Variants in C11orf65 observed in about 807,000 individuals in gnomAD.
C11orf65 encodes protein MFI.
Under a neutral mutation model 35.3 loss-of-function variants are expected in C11orf65, and 38 were observed. That is an observed-to-expected ratio of 1.08 (90% CI 0.83 to 1.41). The LOEUF is 1.41. Among genes scored for constraint, C11orf65 ranks in the 40% most tolerant of loss-of-function variants. The pLI, the probability that C11orf65 is intolerant of heterozygous loss-of-function variation, is 0.00. For missense variants in C11orf65, 370 were observed against 367.1 expected, an observed-to-expected ratio of 1.01 and a Z score of -0.06; for synonymous variants, 105 against 114.4, an observed-to-expected ratio of 0.92 and a Z score of 0.53.
At chr11:108,430,105 T>A (rs902414914) in intron 3 of C11orf65, among the ~76,000 whole-genome samples, 7 of 151,292 alleles carry the variant, frequency 4.6e-5, no homozygotes, top group Non-Finnish European at 8.8e-5. Context: ...TATAAATGTG[T>A]TTAGTACTAC....
chr11:108,444,213 A>C (rs1220994787), intron 2 of C11orf65, among the ~76,000 whole-genome samples: 2 of 152,150 alleles, frequency 1.3e-5, no homozygotes, highest in Non-Finnish European at 2.9e-5. Flanking sequence ...TAAACTAGAA[A>C]ATCTAGAAGA....
downstream of C11orf65, chr11:108,330,504 C>T: frequency 7.3e-7 from 1 of 1,366,700 alleles, no homozygotes; most frequent in Non-Finnish European, 1.0e-6. Context: ...TCGTGTATAC[C>T]TCTTTGTATT....
intron 2 of C11orf65, among the ~76,000 whole-genome samples, chr11:108,361,351 T>C (rs974749494): frequency 3.3e-5 from 5 of 149,990 alleles, no homozygotes; most frequent in Admixed American, 1.3e-4. Context: ...AGAATCAATA[T>C]TGTGAAAATG....
At chr11:108,461,663 T>C (rs1271515172) in intron 1 of C11orf65, 95 bp from the exon 2 acceptor site, 7 of 832,102 alleles carry the variant, frequency 8.4e-6, no homozygotes, top group East Asian at 3.0e-5. Flanking sequence ...ATTCTTGCTC[T>C]GTCACCCAAG....
chr11:108,384,144 G>A (rs2091932297), intron 8 of C11orf65, among the ~76,000 whole-genome samples: 1 of 152,164 alleles, frequency 6.6e-6, no homozygotes, highest in Non-Finnish European at 1.5e-5. Context: ...TTACAGGCAT[G>A]AGCCATTGTG....
At position 108,325,517 on chromosome 11, in the gene C11orf65, A is replaced by G. The variant is rs1555119325; in HGVS notation, c.641-16446T>C. 2 of 1,610,506 alleles carry G rather than the reference A, an allele frequency of 1.2e-6. No homozygotes were observed. The highest frequency in any genetic ancestry group is 8.5e-7 in the Non-Finnish European group (1 of 1,177,850). The stretch of plus-strand genomic sequence containing the variant: ...CCAAACACCTTGTAGAACTCTCTAT[A>G]CTGGCCAGAACTTTCAAGAACACTC... On this transcript the variant is annotated intron_variant, in intron 6 of 6. Transcript: ENST00000525729.
At chr11:108,431,465 A>G (rs559045993) in intron 3 of C11orf65, among the ~76,000 whole-genome samples, 2 of 152,326 alleles carry the variant, frequency 1.3e-5, no homozygotes, top group South Asian at 4.1e-4. Flanking sequence ...AATATAAAAT[A>G]GTGGTTACCT....
At chr11:108,325,249 G>GTTTTTTTTTTTTTTTTTTTTTT in intron 6 of C11orf65, 1 of 565,840 alleles carries the variant, frequency 1.8e-6, no homozygotes, top group East Asian at 3.4e-5. Context: ...AACTTACATA[G>GTTTTTTTTTTTTTTTTTTTTTT]TTTTTTTTTT....
chr11:108,431,865 G>A, intron 2 of C11orf65, 27 bp from the exon 3 acceptor site: 2 of 1,339,158 alleles, frequency 1.5e-6, no homozygotes, highest in Middle Eastern at 1.9e-4. Context: ...AAGATTTCAT[G>A]ATCAAAACTG....
intron 2 of C11orf65, among the ~76,000 whole-genome samples, chr11:108,455,972 C>A (rs80307650): frequency 5.3e-5 from 8 of 151,682 alleles, no homozygotes; most frequent in African/African-American, 1.9e-4. Context: ...ACGGGCAACA[C>A]GGCAAGACAC....
At chr11:108,341,520 G>A (rs991118914) in intron 2 of C11orf65, among the ~76,000 whole-genome samples, 7 of 151,702 alleles carry the variant, frequency 4.6e-5, no homozygotes, top group Non-Finnish European at 5.9e-5. Flanking sequence ...CATGTAATAC[G>A]CCCCCAACAA....
intron 2 of C11orf65, among the ~76,000 whole-genome samples, chr11:108,360,603 C>T (rs1202335968): frequency 2.0e-5 from 3 of 149,482 alleles, no homozygotes. Flanking sequence ...CCACCATGAT[C>T]CAGTGGGCTT....
intron 2 of C11orf65, among the ~76,000 whole-genome samples, chr11:108,460,296 A>C (rs1462761175): frequency 6.6e-6 from 1 of 152,194 alleles, no homozygotes; most frequent in Non-Finnish European, 1.5e-5. Context: ...ACTTCACTTA[A>C]AATTACCAGG....
At chr11:108,382,594 C>G (rs1191389719), downstream of C11orf65, among the ~76,000 whole-genome samples, 1 of 151,644 alleles carries the variant, frequency 6.6e-6, no homozygotes, top group Non-Finnish European at 1.5e-5. Context: ...AAAAAAGGTT[C>G]AGTGAAGAAA....
intron 2 of C11orf65, among the ~76,000 whole-genome samples, chr11:108,352,612 T>C (rs545121087): frequency 1.6e-4 from 25 of 152,290 alleles, no homozygotes; most frequent in South Asian, 6.2e-4. Flanking sequence ...GTACTACAAA[T>C]GTGTATAGCA....
At chr11:108,334,489 T>C (rs564080580) in intron 3 of C11orf65, among the ~76,000 whole-genome samples, 1 of 152,328 alleles carries the variant, frequency 6.6e-6, no homozygotes, top group East Asian at 1.9e-4. Flanking sequence ...CAGGGATATA[T>C]GTAATAAGGG....
In C11orf65 at chr11:108,442,214, G is replaced by A. The variant is rs537378213; in HGVS notation, c.82-10376C>T. Among the ~76,000 whole-genome samples, 9 of 152,284 alleles carry A rather than the reference G, an allele frequency of 5.9e-5. No individual in the cohort carries two copies. In the South Asian group the frequency reaches 1.9e-3, roughly 32 times the overall value. On this transcript the variant is annotated intron_variant, in intron 2 of 8. Coordinates refer to ENST00000393084, the MANE Select transcript of C11orf65 (RefSeq NM_152587.5). ...CAGTACCCGATTCAATCAAGTGGAA[G>A]AAAGGGTATCAGTGATTGAAGATCA...
downstream of C11orf65, among the ~76,000 whole-genome samples, chr11:108,382,140 G>C (rs551363991): frequency 1.1e-4 from 16 of 152,246 alleles, no homozygotes; most frequent in African/African-American, 3.9e-4. Context: ...GCAACCTCCT[G>C]CGAGACTTCA....
rs2093140400 is a variant in C11orf65 at position 108,440,810 on chromosome 11, A to T, written c.82-8972T>A. Among the ~76,000 whole-genome samples, 4 of 152,216 alleles carry T rather than the reference A, an allele frequency of 2.6e-5. No homozygotes were observed. In the South Asian group the frequency reaches 8.3e-4, roughly 32 times the overall value. The stretch of plus-strand genomic sequence containing the variant: ...GGTTTTAATGGTAAAGCAAGTTACT[A>T]AAATAGCCTAGATGAAAGGGAAAAT... On this transcript the variant is annotated intron_variant, in intron 2 of 8. Transcript: ENST00000393084.
Sources: allele counts gnomAD v4.1 joint callset (sites outside exome capture counted in the v4.1 genomes callset), GRCh38; gene constraint gnomAD v4.1.1; transcripts MANE v1.5; gene names NCBI Gene and HGNC (gene_info 2026-07-23, HGNC 2026-07-21).